Variants in TAFA1 observed in about 807,000 individuals in gnomAD.
The protein encoded by TAFA1 is TAFA chemokine like family member 1, also known as chemokine-like protein TAFA-1.
In TAFA1, 4 loss-of-function variants were observed where a neutral mutation model predicts 18.5. The observed-to-expected ratio is 0.22, with a 90% CI of 0.11 to 0.49. TAFA1 has a LOEUF of 0.49. Ranked by LOEUF, TAFA1 falls within the 20% of genes least tolerant of loss-of-function variation. The pLI is 0.98. For synonymous variants in TAFA1, 56 were observed against 55.2 expected, an observed-to-expected ratio of 1.01 and a Z score of -0.06; for missense variants, 147 against 169.0, an observed-to-expected ratio of 0.87 and a Z score of 0.72.
intron 2 of TAFA1, among the ~76,000 whole-genome samples, chr3:68,210,716 C>T (rs989556999): frequency 6.6e-6 from 1 of 151,982 alleles, no homozygotes; most frequent in Non-Finnish European, 1.5e-5. Flanking sequence ...GCTAGTTAAC[C>T]TTTTTGTAAT....
chr3:68,243,036 A>G (rs950646231), intron 2 of TAFA1, among the ~76,000 whole-genome samples: 1 of 152,100 alleles, frequency 6.6e-6, no homozygotes, highest in Admixed American at 6.6e-5. Flanking sequence ...GCACTGGATC[A>G]TATATCTTAA....
chr3:68,476,520 T>C (rs1417490458), intron 3 of TAFA1, among the ~76,000 whole-genome samples: 16 of 152,204 alleles, frequency 1.1e-4, no homozygotes, highest in Admixed American at 1.0e-3. Flanking sequence ...TTTACATATC[T>C]GGAAGTGTAG....
At chr3:68,533,964 T>C (rs2073231623) in intron 3 of TAFA1, among the ~76,000 whole-genome samples, 1 of 152,044 alleles carries the variant, frequency 6.6e-6, no homozygotes, top group Non-Finnish European at 1.5e-5. Context: ...AGAAACAAAA[T>C]TGGTCTAATG....
chr3:68,206,279 GA>G (rs1223805424), intron 2 of TAFA1, among the ~76,000 whole-genome samples: 1 of 151,330 alleles, frequency 6.6e-6, no homozygotes, highest in Non-Finnish European at 1.5e-5. Flanking sequence ...TACTTTGTCA[GA>G]AAAAAAAGAA....
intron 2 of TAFA1, among the ~76,000 whole-genome samples, chr3:68,078,405 G>T (rs1263923071): frequency 6.6e-6 from 1 of 152,176 alleles, no homozygotes; most frequent in Non-Finnish European, 1.5e-5. Context: ...CAAAGGGAAT[G>T]CTTCCAATTT....
chr3:68,030,842 C>T (rs1704919394), intron 2 of TAFA1, among the ~76,000 whole-genome samples: 1 of 152,024 alleles, frequency 6.6e-6, no homozygotes, highest in Non-Finnish European at 1.5e-5. Flanking sequence ...GAGAGGTTTC[C>T]CAGAAAAGAT....
chr3:68,169,807 G>A (rs2106956313), intron 2 of TAFA1, among the ~76,000 whole-genome samples: 1 of 152,306 alleles, frequency 6.6e-6, no homozygotes, highest in Admixed American at 6.5e-5. Context: ...TCAATTTGTA[G>A]CAAATGTTTA....
At chr3:68,216,836 G>A (rs114072697) in intron 2 of TAFA1, among the ~76,000 whole-genome samples, 158 of 152,182 alleles carry the variant, frequency 1.0e-3, no homozygotes, top group African/African-American at 3.7e-3. Context: ...GGAGCAATGA[G>A]CAACAAAATG....
chr3:68,438,552 C>G (rs2106858840), intron 3 of TAFA1, among the ~76,000 whole-genome samples: 1 of 152,084 alleles, frequency 6.6e-6, no homozygotes, highest in East Asian at 1.9e-4. Context: ...TGGTGTTAGT[C>G]CCACTCCCAT....
intron 2 of TAFA1, among the ~76,000 whole-genome samples, chr3:68,153,460 G>T (rs1253773006): frequency 2.6e-5 from 4 of 152,128 alleles, no homozygotes; most frequent in Admixed American, 2.6e-4. Context: ...TAGGAATTTT[G>T]CTGGGAAAGC....
At chr3:68,099,954 A>C (rs562108946) in intron 2 of TAFA1, among the ~76,000 whole-genome samples, 3 of 152,172 alleles carry the variant, frequency 2.0e-5, no homozygotes, top group Admixed American at 1.3e-4. Flanking sequence ...CATTAGGTAC[A>C]CATGGACATA....
chr3:68,198,909 C>T (rs1042870003), intron 2 of TAFA1, among the ~76,000 whole-genome samples: 1 of 151,404 alleles, frequency 6.6e-6, no homozygotes, highest in African/African-American at 2.4e-5. Context: ...TTTTATGGAG[C>T]ATACCTTTGC....
At chr3:68,051,969 G>A (rs1457153407) in intron 2 of TAFA1, among the ~76,000 whole-genome samples, 1 of 152,022 alleles carries the variant, frequency 6.6e-6, no homozygotes, top group Non-Finnish European at 1.5e-5. Flanking sequence ...AGAAGATAAA[G>A]GACAGACTCC....
upstream of TAFA1, among the ~76,000 whole-genome samples, chr3:68,001,518 G>A (rs966561286): frequency 6.6e-6 from 1 of 151,120 alleles, no homozygotes; most frequent in African/African-American, 2.4e-5. Context: ...TGCATTCCTT[G>A]TTGCTACTAA....
chr3:68,444,689 T>G (rs1273761637), intron 3 of TAFA1, among the ~76,000 whole-genome samples: 4 of 151,032 alleles, frequency 2.6e-5, no homozygotes, highest in Non-Finnish European at 4.4e-5. Context: ...CTCAGCACTT[T>G]GGGAGGCCAA....
intron 3 of TAFA1, among the ~76,000 whole-genome samples, chr3:68,534,358 C>A (rs193091623): frequency 1.2e-4 from 19 of 152,288 alleles, no homozygotes; most frequent in Non-Finnish European, 5.9e-5. Flanking sequence ...CTCAAGATGG[C>A]ATAAAAACAT....
chr3:68,166,200 A>G (rs889133773), intron 2 of TAFA1, among the ~76,000 whole-genome samples: 1 of 152,214 alleles, frequency 6.6e-6, no homozygotes, highest in Non-Finnish European at 1.5e-5. Flanking sequence ...ATTTGCAGGG[A>G]CAAGATTTTG....
chr3:68,012,849 A>G (rs1404647426), intron 2 of TAFA1, among the ~76,000 whole-genome samples: 1 of 152,138 alleles, frequency 6.6e-6, no homozygotes, highest in Non-Finnish European at 1.5e-5. Context: ...CTAGGCCAGC[A>G]TTTCAGAATT....
chr3:68,457,979 A>G (rs925336155), intron 3 of TAFA1, among the ~76,000 whole-genome samples: 2 of 152,206 alleles, frequency 1.3e-5, no homozygotes, highest in Non-Finnish European at 2.9e-5. Flanking sequence ...GGGTAAGCTC[A>G]TGGGATGAAC....
Sources: gnomAD v4.1 joint callset for allele counts (sites outside exome capture counted in the v4.1 genomes callset) on GRCh38, gnomAD v4.1.1 for gene constraint, MANE v1.5 for transcripts, NCBI Gene and HGNC (gene_info 2026-07-23, HGNC 2026-07-21) for gene names.